The following MIER2 variants were observed in gnomAD, a reference collection of about 807,000 sequenced individuals.
The protein encoded by MIER2 is MIER family member 2.
In MIER2, 30 loss-of-function variants were observed where a neutral mutation model predicts 67.6. The ratio of observed to expected loss-of-function variants is 0.44; its 90% CI spans 0.33 to 0.60. The LOEUF (loss-of-function observed/expected upper bound fraction) is 0.60, where lower values mean the gene tolerates loss of function less well. Ranked by LOEUF, MIER2 falls within the 20% of genes least tolerant of loss-of-function variation. MIER2 has a pLI of 0.02. For missense variants in MIER2, 702 were observed against 745.1 expected, an observed-to-expected ratio of 0.94 and a Z score of 0.67; for synonymous variants, 372 against 312.6, an observed-to-expected ratio of 1.19 and a Z score of -2.00.
chr19:323,962 C>T (rs954680362), intron 7 of MIER2, among the ~76,000 whole-genome samples: 21 of 148,480 alleles, frequency 1.4e-4, no homozygotes, highest in East Asian at 4.1e-4. Flanking sequence ...ACCACACAGA[C>T]GACTCGAATG....
In MIER2 at chr19:312,408, T is replaced by A. The variant is rs537896329; in HGVS notation, c.808-136A>T. The A allele has an allele frequency of 3.0e-4, 212 of 703,138 alleles. No homozygotes were observed. The African/African-American group carries it at 3.4e-3, about 11-fold the overall frequency. 43.6% of individuals were successfully genotyped at this position (703,138 alleles called of 1,614,324 possible). ...GGGCGATGTCAGAGCCACCTACACC[T>A]CTATCCAGGGAGTGACATCAGGGGC... On this transcript the variant is annotated intron_variant, in intron 8 of 13. Coordinates refer to ENST00000264819, the MANE Select transcript of MIER2 (RefSeq NM_017550.3).
At chr19:325,609 G>C in intron 7 of MIER2, 26 bp downstream of exon 7, 1 of 1,613,916 alleles carries the variant, frequency 6.2e-7, no homozygotes, top group Non-Finnish European at 8.5e-7. Context: ...AGTGGGTTTC[G>C]CCTCCTCTCC....
At position 307,449 on chromosome 19, in the gene MIER2, C is replaced by A; in HGVS notation, c.1286G>T (p.Cys429Phe). The change falls in exon 13 of 14, where the codon TGT becomes TTT. Residue 429 changes from cysteine to phenylalanine, a missense_variant. Cys to Phe is a radical substitution (Grantham distance 205). Around this residue, in one of 3 missense-constraint regions of MIER2, gnomAD observed 254 missense variants for 262.8 expected, o/e 0.97. Coordinates refer to ENST00000264819, the MANE Select transcript of MIER2 (RefSeq NM_017550.3). Reference protein sequence around the residue: ...DGLPSSEPGPCSFQQLDESPA... With the variant: ...DGLPSSEPGPFSFQQLDESPA... ...GGACTCATCCAGCTGCTGGAAGGAA[C>A]ACGGCCCTGGCTCCGAGGACGGGAG... 6.3e-7 allele frequency: 1 copy of A among 1,583,406 alleles called. No homozygotes were observed. The highest frequency in any genetic ancestry group is 8.6e-7 in the Non-Finnish European group (1 of 1,165,614).
intron 7 of MIER2, among the ~76,000 whole-genome samples, chr19:318,924 G>A (rs181768491): frequency 1.3e-5 from 2 of 152,146 alleles, no homozygotes; most frequent in East Asian, 3.9e-4. Flanking sequence ...GGGCGTGGTG[G>A]TGGGCGCCTA....
intron 1 of MIER2, among the ~76,000 whole-genome samples, chr19:340,802 G>A (rs969945760): frequency 6.6e-6 from 1 of 152,202 alleles, no homozygotes; most frequent in Non-Finnish European, 1.5e-5. Context: ...GCTCTAAGTG[G>A]AGACTGACAG....
chr19:313,361 C>G, intron 8 of MIER2, 131 bp downstream of exon 8: 1 of 1,416,130 alleles, frequency 7.1e-7, no homozygotes, highest in Non-Finnish European at 9.5e-7. Context: ...TGTTCCAGTG[C>G]CCTGGCCCCC....
intron 3 of MIER2, among the ~76,000 whole-genome samples, chr19:333,771 C>T (rs1972123594): frequency 6.9e-6 from 1 of 145,418 alleles, no homozygotes; most frequent in Non-Finnish European, 1.5e-5. Flanking sequence ...TCACTGCAAG[C>T]TCCGTCTCCC....
In MIER2 at chr19:306,529, C is replaced by A. The variant is rs536715081; in HGVS notation, c.*161G>T. ...CTGTGTGGACAGGGGCAAGGGCTCA[C>A]GGCCCAGCCACCTCACCCCAGTCCT... On this transcript the variant is annotated 3_prime_UTR_variant, in exon 14 of 14. Coordinates refer to ENST00000264819, the MANE Select transcript of MIER2 (RefSeq NM_017550.3). The A allele has an allele frequency of 4.1e-6, 4 of 984,410 alleles. No homozygotes were observed. The highest frequency in any genetic ancestry group is 6.1e-6 in the Non-Finnish European group (4 of 660,150). 61.0% of individuals were successfully genotyped at this position (984,410 alleles called of 1,614,324 possible). A position where few individuals can be genotyped will look rare whatever the true frequency, so the allele number is the denominator to read the frequency against.
At position 308,750 on chromosome 19, in the gene MIER2, C is replaced by A. The variant is rs769355890; in HGVS notation, c.1109+51G>T. ...TGCCGCCCAGGCGCCCACGTGCCCA[C>A]CCCCGGCGGGGTGGCCGCCTGTCGT... On this transcript the variant is annotated intron_variant, in intron 11 of 13. Transcript: ENST00000264819. This position sits in a 1 kb window ranked among gnomAD's most constrained non-coding sequence, Gnocchi z 9.1. 8 of 1,593,180 alleles carry A rather than the reference C, an allele frequency of 5.0e-6. No homozygotes were observed. The highest frequency in any genetic ancestry group is 1.1e-5 in the South Asian group (1 of 90,292).
In MIER2 at chr19:326,606, A is replaced by G. The variant is rs770893232; in HGVS notation, c.494-8T>C. On this transcript the variant is annotated splice_region_variant and splice_polypyrimidine_tract_variant and intron_variant, in intron 5 of 13. Coordinates refer to ENST00000264819, the MANE Select transcript of MIER2 (RefSeq NM_017550.3). The stretch of plus-strand genomic sequence containing the variant: ...CATCAGCCAGGAAACGAGCTTTGGG[A>G]AAACAGAGGCAGGTCCCCCAGGGTC... The G allele has an allele frequency of 6.2e-7, 1 of 1,613,370 alleles. No individual in the cohort carries two copies. Among genetic ancestry groups the G allele is most frequent in the Admixed American group, 1.7e-5 (1 of 59,998 alleles).
intron 5 of MIER2, 58 bp from the exon 6 acceptor site, chr19:326,656 C>A (rs1267211759): frequency 5.3e-6 from 7 of 1,327,646 alleles, no homozygotes; most frequent in South Asian, 1.2e-5. Context: ...CCTATACAAC[C>A]CCTTCTCTCC....
At chr19:317,403 T>C (rs1020988096) in intron 7 of MIER2, among the ~76,000 whole-genome samples, 1 of 149,556 alleles carries the variant, frequency 6.7e-6, no homozygotes, top group Non-Finnish European at 1.5e-5. Context: ...GGCGGGTGCC[T>C]GTAGTCCCAG....
At chr19:326,810 TG>T in intron 5 of MIER2, 1 of 589,768 alleles carries the variant, frequency 1.7e-6, no homozygotes, top group Non-Finnish European at 3.0e-6. Flanking sequence ...GCTGCACCTC[TG>T]GGCCCCGAGC....
In MIER2 at chr19:326,542, C is replaced by T. The variant is rs1289921508; in HGVS notation, c.550G>A (p.Glu184Lys). ...EPGSSASSDT[E>K]EDSLPANKCK... ...TTGTTGGCAGGAAGAGAGTCCTCCT[C>T]GGTGTCGGAGGAGGCAGAAGAGCCA... Residue 184 changes from glutamate (E) to lysine (K), a missense_variant, in exon 6 of 14, where the codon GAG (glutamate) becomes AAG (lysine). Around this residue, in one of 3 missense-constraint regions of MIER2, gnomAD observed 320 missense variants for 292.6 expected, o/e 1.09. Transcript: ENST00000264819. The T allele has an allele frequency of 3.1e-6, 5 of 1,614,064 alleles. No homozygotes were observed. The highest frequency in any genetic ancestry group is 1.7e-5 in the Admixed American group (1 of 60,016).
chr19:307,673 A>C (rs1970717546), intron 12 of MIER2, 137 bp from the exon 13 acceptor site: 2 of 902,322 alleles, frequency 2.2e-6, no homozygotes, highest in Non-Finnish European at 3.1e-6. Context: ...TACAAAAGAC[A>C]CCAGTTACAC....
chr19:312,152 C>T (rs765027367), intron 9 of MIER2, 39 bp downstream of exon 9: 27 of 1,504,676 alleles, frequency 1.8e-5, no homozygotes, highest in East Asian at 4.6e-5. Flanking sequence ...GTGCCCAGGG[C>T]GGGGCCGCAG....
At chr19:328,392 C>T (rs1364896887) in intron 3 of MIER2, among the ~76,000 whole-genome samples, 1 of 149,774 alleles carries the variant, frequency 6.7e-6, no homozygotes, top group Non-Finnish European at 1.5e-5. Context: ...CTGAAAAAGG[C>T]ATTTGGTAAA....
chr19:334,081 T>A (rs1972136676), intron 3 of MIER2: 1 of 230,512 alleles, frequency 4.3e-6, no homozygotes, highest in Non-Finnish European at 8.6e-6. Context: ...CGCCTCAGCC[T>A]CCCAAAGTGC....
chr19:344,250 C>G, intron 1 of MIER2: 1 of 985,352 alleles, frequency 1.0e-6, no homozygotes, highest in Non-Finnish European at 1.2e-6. Flanking sequence ...AAATCCCGCC[C>G]GGGGTCTGAC....
Sources: allele counts gnomAD v4.1 joint callset (sites outside exome capture counted in the v4.1 genomes callset), GRCh38; gene constraint gnomAD v4.1.1; regional missense constraint gnomAD v4.1.1; non-coding constraint Gnocchi (gnomAD v3.1); transcripts MANE v1.5; gene names NCBI Gene and HGNC (gene_info 2026-07-23, HGNC 2026-07-21).